The following CNTNAP5 variants were observed in gnomAD, a reference collection of about 807,000 sequenced individuals.
CNTNAP5 encodes contactin-associated protein-like 5.
CNTNAP5 carries 72 observed loss-of-function variants against 150.2 expected under a neutral mutation model. The observed-to-expected ratio is 0.48, with a 90% confidence interval of 0.40 to 0.58. CNTNAP5 has a LOEUF of 0.58. CNTNAP5 is among the 20% of genes least tolerant of loss of function. The pLI, the probability that CNTNAP5 is intolerant of heterozygous loss-of-function variation, is 0.00. For missense variants in CNTNAP5, 1,636 were observed against 1,626.2 expected (o/e 1.01, Z -0.10); for synonymous variants, 672 against 619.8 (o/e 1.08, Z -1.25).
In CNTNAP5 at chr2:124,307,779, A is replaced by G. The variant is rs74747062; in HGVS notation, c.381+65386A>G. 1.1e-4 allele frequency among the ~76,000 whole-genome samples: 16 copies of G among 152,306 alleles called. No homozygotes were observed. In the East Asian group the frequency reaches 3.1e-3, roughly 29 times the overall value. ...CAGGTGGGGAAGCAAGTGATGATGT[A>G]GCAACCAGATTATGTAGTTGTTGAT... On this transcript the variant is annotated intron_variant, in intron 3 of 23. Transcript: ENST00000682447.
intron 3 of CNTNAP5, among the ~76,000 whole-genome samples, chr2:124,330,806 A>G (rs889333695): frequency 5.9e-5 from 9 of 152,214 alleles, no homozygotes; most frequent in Non-Finnish European, 1.0e-4. Context: ...TTACAAAAGT[A>G]TATATTACCA....
At chr2:124,154,762 A>AG (rs1404642993) in intron 1 of CNTNAP5, among the ~76,000 whole-genome samples, 1 of 152,132 alleles carries the variant, frequency 6.6e-6, no homozygotes, top group Non-Finnish European at 1.5e-5. Flanking sequence ...TGCAGCCTCA[A>AG]GGGATGAATG....
At chr2:124,218,322 G>C (rs1444632753) in intron 1 of CNTNAP5, among the ~76,000 whole-genome samples, 1 of 152,114 alleles carries the variant, frequency 6.6e-6, no homozygotes, top group Non-Finnish European at 1.5e-5. Flanking sequence ...TTTCATAAGA[G>C]ACTTGCTCTC....
At chr2:124,517,821 G>A (rs1470597805) in intron 8 of CNTNAP5, among the ~76,000 whole-genome samples, 1 of 150,804 alleles carries the variant, frequency 6.6e-6, no homozygotes, top group Non-Finnish European at 1.5e-5. Context: ...TGTTGGTAAT[G>A]GAGTATTGTG....
intron 1 of CNTNAP5, among the ~76,000 whole-genome samples, chr2:124,214,707 C>T (rs145688090): frequency 1.1e-3 from 170 of 152,276 alleles, no homozygotes; most frequent in African/African-American, 3.9e-3. Context: ...ACATAAGGAG[C>T]TTATTTCAAA....
chr2:124,358,382 A>T (rs371614113), intron 3 of CNTNAP5, among the ~76,000 whole-genome samples: 18 of 152,262 alleles, frequency 1.2e-4, no homozygotes, highest in East Asian at 3.9e-4. Flanking sequence ...GTCTTGTGCC[A>T]GTTTTCAAAG....
intron 12 of CNTNAP5, among the ~76,000 whole-genome samples, chr2:124,611,077 T>C (rs1471352252): frequency 1.3e-5 from 2 of 152,202 alleles, no homozygotes; most frequent in East Asian, 3.9e-4. Flanking sequence ...GCCAGCTGCA[T>C]CATGTAATGA....
chr2:124,855,564 G>A lies in CNTNAP5; in HGVS notation c.3218-9742G>A, dbSNP rs139809948. ...AAGTGTGGAAAACAGATTAGAGTAG[G>A]AAGAGTAGAATGGTGAGAAAAGGTA... On this transcript the variant is annotated intron_variant, in intron 19 of 23. Coordinates refer to ENST00000682447, the MANE Select transcript of CNTNAP5 (RefSeq NM_001367498.1). Among the ~76,000 whole-genome samples the A allele has an allele frequency of 2.0e-3, 306 of 152,240 alleles. 2 individuals are homozygous for A. The highest frequency in any genetic ancestry group is 6.8e-3 in the African/African-American group (282 of 41,556).
intron 3 of CNTNAP5, among the ~76,000 whole-genome samples, chr2:124,270,240 CG>C (rs935900736): frequency 6.6e-6 from 1 of 151,692 alleles, no homozygotes; most frequent in Non-Finnish European, 1.5e-5. Context: ...ACCTGGGAGA[CG>C]GTGGTTGCAG....
At chr2:124,395,277 A>G (rs1691217314) in intron 3 of CNTNAP5, among the ~76,000 whole-genome samples, 1 of 152,182 alleles carries the variant, frequency 6.6e-6, no homozygotes, top group South Asian at 2.1e-4. Context: ...AACAGAAAGC[A>G]TGCCTCCCAA....
intron 3 of CNTNAP5, among the ~76,000 whole-genome samples, chr2:124,275,960 G>A (rs1181889530): frequency 6.6e-6 from 1 of 152,092 alleles, no homozygotes; most frequent in Non-Finnish European, 1.5e-5. Flanking sequence ...GCTGCCAATG[G>A]AACTGTCTAA....
At chr2:124,417,068 G>A (rs763437482) in intron 3 of CNTNAP5, among the ~76,000 whole-genome samples, 4 of 151,062 alleles carry the variant, frequency 2.6e-5, no homozygotes, top group Non-Finnish European at 5.9e-5. Flanking sequence ...CTCTCGGGTA[G>A]CTGGGATTAC....
At chr2:124,033,814 G>T (rs561061139) in intron 1 of CNTNAP5, among the ~76,000 whole-genome samples, 1 of 152,236 alleles carries the variant, frequency 6.6e-6, no homozygotes, top group South Asian at 2.1e-4. Flanking sequence ...GTGTGGGGAA[G>T]GGAGCCTTCC....
chr2:124,793,150 G>A (rs1285974980), intron 18 of CNTNAP5, among the ~76,000 whole-genome samples: 2 of 152,186 alleles, frequency 1.3e-5, no homozygotes, highest in African/African-American at 2.4e-5. Context: ...CATTCTCACC[G>A]GCAGTGAATG....
At chr2:124,822,095 C>T (rs908494633) in intron 19 of CNTNAP5, among the ~76,000 whole-genome samples, 1 of 138,072 alleles carries the variant, frequency 7.2e-6, no homozygotes, top group African/African-American at 3.5e-5. Context: ...TTTATTACAA[C>T]TGACTGTCTG....
intron 14 of CNTNAP5, 102 bp from the exon 15 acceptor site, chr2:124,763,570 G>A (rs1681002471): frequency 7.1e-6 from 8 of 1,119,808 alleles, no homozygotes; most frequent in Non-Finnish European, 1.0e-5. Context: ...CCCCTACCCT[G>A]CTGCAACTGG....
chr2:124,064,841 C>T (rs1233712083), intron 1 of CNTNAP5, among the ~76,000 whole-genome samples: 1 of 152,114 alleles, frequency 6.6e-6, no homozygotes, highest in Non-Finnish European at 1.5e-5. Flanking sequence ...ATGCCATTTT[C>T]TCATGTCAGT....
chr2:124,418,202 C>T (rs546967228), intron 4 of CNTNAP5, among the ~76,000 whole-genome samples: 29 of 152,200 alleles, frequency 1.9e-4, no homozygotes, highest in South Asian at 6.2e-4. Context: ...CTTTCCTGCG[C>T]GCTTTATACT....
In CNTNAP5 at chr2:124,204,399, A is replaced by G. The variant is rs560890870; in HGVS notation, c.83-17306A>G. Among the ~76,000 whole-genome samples, 14 of 152,120 alleles carry G rather than the reference A, an allele frequency of 9.2e-5. No homozygotes were observed. In the South Asian group the frequency reaches 2.5e-3, roughly 27 times the overall value. ...GTTCCAAACTTTCCCACATTTTCCT[A>G]TCTTCTTCTGAGCCCTCCGAACTGT... On this transcript the variant is annotated intron_variant, in intron 1 of 23. Coordinates refer to ENST00000682447, the MANE Select transcript of CNTNAP5 (RefSeq NM_001367498.1).
Sources: allele counts gnomAD v4.1 joint callset (sites outside exome capture counted in the v4.1 genomes callset), GRCh38; gene constraint gnomAD v4.1.1; transcripts MANE v1.5; gene names NCBI Gene and HGNC (gene_info 2026-07-23, HGNC 2026-07-21).